Variants in LIG3 observed in about 807,000 individuals in gnomAD.
LIG3 encodes the protein ligase II, DNA, ATP-dependent.
A neutral mutation model predicts 110.9 loss-of-function variants in LIG3; 58 were observed. That is an observed-to-expected ratio of 0.52 (90% CI 0.42 to 0.65). LIG3 has a LOEUF of 0.65. Among genes scored for constraint, LIG3 ranks in the 30% least tolerant of loss-of-function variants. The pLI is 0.00. For synonymous variants in LIG3, 422 were observed against 472.8 expected, an observed-to-expected ratio of 0.89 and a Z score of 1.39; for missense variants, 1,094 against 1,273.8, an observed-to-expected ratio of 0.86 and a Z score of 2.15.
Position 34,991,703 on chromosome 17 carries a change from T to A in LIG3, c.1074T>A (p.Phe358Leu). 6.2e-7 allele frequency: 1 copy of A among 1,613,970 alleles called. No homozygotes were observed. Among genetic ancestry groups the A allele is most frequent in the Non-Finnish European group, 8.5e-7 (1 of 1,179,930 alleles). Residue 358 changes from phenylalanine (F) to leucine (L), a missense_variant, in exon 6 of 20, where the codon TTT (phenylalanine) becomes TTA (leucine). Physicochemically the swap from Phe to Leu is conservative, Grantham distance 22. Coordinates refer to ENST00000378526, the MANE Select transcript of LIG3 (RefSeq NM_013975.4). ...TGTCAGAGACAATCAGAGTCTTCTT[T>A]GAGCAGAGCAAGTCTTTCCCCCCAG... ...GDVSETIRVF[F>L]EQSKSFPPAA... is the part of the protein sequence containing the mutation.
At position 34,989,528 on chromosome 17, in the gene LIG3, A is replaced by G; in HGVS notation, c.754A>G (p.Ser252Gly). ...SPTPKRSLSS[S>G]KCDPRHKDCL... is the part of the protein sequence containing the mutation. ...CACCCCTAAGAGAAGTCTGTCTTCA[A>G]GCAAATGTGACCCCAGGCATAAGGA... Residue 252 changes from serine to glycine, a missense_variant, in exon 4 of 20, where the codon AGC (serine) becomes GGC (glycine). Physicochemically the swap from Ser to Gly is moderately conservative, Grantham distance 56. Coordinates refer to ENST00000378526, the MANE Select transcript of LIG3 (RefSeq NM_013975.4). The G allele has an allele frequency of 1.2e-6, 2 of 1,614,128 alleles. No homozygotes were observed. Among genetic ancestry groups the G allele is most frequent in the South Asian group, 2.2e-5 (2 of 91,080 alleles).
chr17:34,984,197 G>A (rs1224813592), intron 2 of LIG3, among the ~76,000 whole-genome samples: 1 of 152,066 alleles, frequency 6.6e-6, no homozygotes, highest in East Asian at 1.9e-4. Context: ...CTGCAGTATA[G>A]GATCCCAGTC....
chr17:34,997,704 C>G, intron 11 of LIG3, 34 bp from the exon 12 acceptor site: 1 of 1,496,372 alleles, frequency 6.7e-7, no homozygotes, highest in Non-Finnish European at 9.3e-7. Flanking sequence ...GAGGGAGGAT[C>G]CCGGCCTAAC....
rs532880046 is a variant in LIG3 at position 35,008,207 on chromosome 17, A to C, written c.*3701A>C. The C allele has an allele frequency of 1.3e-5, 2 of 152,380 alleles. No homozygotes were observed. The highest frequency in any genetic ancestry group is 4.8e-5 in the African/African-American group (2 of 41,594). The allele number at this position is 152,380 out of a possible 1,614,324, so 9.4% of individuals were successfully genotyped here. A position where few individuals can be genotyped will look rare whatever the true frequency, so the allele number is the denominator to read the frequency against. ...TAGATCAGTGTAAATATCTGAACTC[A>C]CTTGGTGCTTCAACCCAATTGGTCT... is the stretch of plus-strand genomic sequence containing the variant. On this transcript the variant is annotated 3_prime_UTR_variant, in exon 20 of 20. Transcript: ENST00000378526.
In LIG3 at chr17:34,986,212, A is replaced by T. The variant is rs1045871795; in HGVS notation, c.691+81A>T. The T allele has an allele frequency of 2.8e-6, 4 of 1,406,500 alleles. No individual in the cohort carries two copies. In the African/African-American group the frequency reaches 5.7e-5, roughly 20 times the overall value. The allele number at this position is 1,406,500 out of a possible 1,614,324, so 87.1% of individuals were successfully genotyped here. A position where few individuals can be genotyped will look rare whatever the true frequency, so the allele number is the denominator to read the frequency against. On this transcript the variant is annotated intron_variant, in intron 3 of 19. Transcript: ENST00000378526. ...TACCTAGGATTCTGGCTAAAGAGTG[A>T]AAATTCTGTGCTATCTCATCTCATT...
chr17:35,007,543 T>G lies in LIG3; in HGVS notation c.*3037T>G, dbSNP rs1384927223. On this transcript the variant is annotated 3_prime_UTR_variant, in exon 20 of 20. Transcript: ENST00000378526. ...CTAGGGCAATGTGAGCAAAGTGTTG[T>G]GGCTCATCCTCGATCCTTTATGCCC... The G allele has an allele frequency of 6.6e-6, 1 of 152,258 alleles. No individual in the cohort carries two copies. Among genetic ancestry groups the G allele is most frequent in the East Asian group, 1.9e-4 (1 of 5,190 alleles). 9.4% of individuals were successfully genotyped at this position (152,258 alleles called of 1,614,324 possible). A position where few individuals can be genotyped will look rare whatever the true frequency, so the allele number is the denominator to read the frequency against.
At chr17:35,010,508 C>A (rs897448092), downstream of LIG3, 5 of 152,218 alleles carry the variant, frequency 3.3e-5, no homozygotes, top group Non-Finnish European at 5.9e-5. Context: ...AATCCCAGCA[C>A]TTTGGGAAGC....
In LIG3 at chr17:34,991,651, A is replaced by G. The variant is rs747105066; in HGVS notation, c.1042-20A>G. ...GCCACCCTAGGGTTGCAGCAGTGGC[A>G]TTTTGGTTTTTGGAGACAGGGTGAC... On this transcript the variant is annotated intron_variant, in intron 5 of 19. Transcript: ENST00000378526. 2 of 1,612,632 alleles carry G rather than the reference A, an allele frequency of 1.2e-6. No homozygotes were observed. The highest frequency in any genetic ancestry group is 1.3e-5 in the African/African-American group (1 of 75,020).
At chr17:34,999,055 G>T (rs981745658) in intron 14 of LIG3, 1 of 519,292 alleles carries the variant, frequency 1.9e-6, no homozygotes, top group South Asian at 3.2e-5. Context: ...ATACTTTTAA[G>T]CAATCTATCA....
rs2090895212 is a variant in LIG3 at position 35,006,353 on chromosome 17, C to T, written c.*1847C>T. On this transcript the variant is annotated 3_prime_UTR_variant, in exon 20 of 20. Transcript: ENST00000378526. ...TGTCACTAGTGACTACCACACTGGA[C>T]AGTGCAGGTGTAGACGGAGTTCAGA... The T allele has an allele frequency of 6.5e-6, 1 of 154,008 alleles. No homozygotes were observed. The highest frequency in any genetic ancestry group is 1.4e-5 in the Non-Finnish European group (1 of 69,408). 9.5% of individuals were successfully genotyped at this position (154,008 alleles called of 1,614,324 possible).
At chr17:34,998,160 C>T (rs1191212731) in intron 12 of LIG3, 59 bp from the exon 13 acceptor site, 3 of 1,296,358 alleles carry the variant, frequency 2.3e-6, no homozygotes, top group Non-Finnish European at 2.2e-6. Flanking sequence ...GAACAACCCC[C>T]ACTCACTCAC....
chr17:34,982,507 C>T (rs1305526610), intron 1 of LIG3, among the ~76,000 whole-genome samples: 2 of 151,860 alleles, frequency 1.3e-5, no homozygotes, highest in Non-Finnish European at 2.9e-5. Flanking sequence ...GTTAGCCGGG[C>T]GTGGTGGCGC....
At chr17:34,991,338 G>T (rs1430996795) in intron 5 of LIG3, 6 of 579,364 alleles carry the variant, frequency 1.0e-5, no homozygotes, top group Non-Finnish European at 1.8e-5. Flanking sequence ...AACCACAAAG[G>T]CCTGGTTCTC....
At position 34,983,131 on chromosome 17, in the gene LIG3, T is replaced by A; in HGVS notation, c.126T>A (p.Asp42Glu). ...AATTCAGCCAGTGGTCAGAAACAGA[T>A]CTGCTTCATGGACATCCCCTCTTCC... is the stretch of plus-strand genomic sequence containing the variant. ...VRQFSQWSETDLLHGHPLFLR... is the reference protein window; with the variant it reads ...VRQFSQWSETELLHGHPLFLR... Residue 42 changes from aspartate to glutamate, a missense_variant, in exon 2 of 20, where the codon GAT (aspartate) becomes GAA (glutamate). By Grantham distance (45) the Asp-to-Glu change is conservative. Coordinates refer to ENST00000378526, the MANE Select transcript of LIG3 (RefSeq NM_013975.4). The A allele has an allele frequency of 2.5e-6, 4 of 1,614,162 alleles. No individual in the cohort carries two copies. Among genetic ancestry groups the A allele is most frequent in the Middle Eastern group, 1.6e-4 (1 of 6,062 alleles).
chr17:34,999,913 T>G, intron 16 of LIG3, 57 bp downstream of exon 16: 1 of 1,383,456 alleles, frequency 7.2e-7, no homozygotes, highest in Non-Finnish European at 1.0e-6. Context: ...GCAGGTTCTC[T>G]AGTGCCATAG....
At position 35,004,336 on chromosome 17, in the gene LIG3, C is replaced by A. The variant is rs766697852; in HGVS notation, c.2860C>A (p.Arg954Ser). ...YLPPSTPDFS[R>S]LRRYFVAFDG... ...GCCACCCTCCACACCAGACTTCAGCCGTCTCAGACGCTACTTTGTGGCATT... is the reference window on the plus strand; with the variant it reads ...GCCACCCTCCACACCAGACTTCAGCAGTCTCAGACGCTACTTTGTGGCATT... The change falls in exon 20 of 20, where the codon CGT becomes AGT. Residue 954 changes from arginine (R) to serine (S), a missense_variant. Transcript: ENST00000378526. The A allele has an allele frequency of 1.2e-5, 20 of 1,614,058 alleles. No individual in the cohort carries two copies. The highest frequency in any genetic ancestry group is 1.6e-5 in the Non-Finnish European group (19 of 1,180,044).
rs767946014 is a variant in LIG3 at position 35,004,264 on chromosome 17, C to G, written c.2797-9C>G. The G allele has an allele frequency of 6.2e-7, 1 of 1,610,918 alleles. No individual in the cohort carries two copies. Among genetic ancestry groups the G allele is most frequent in the South Asian group, 1.1e-5 (1 of 90,914 alleles). The stretch of plus-strand genomic sequence containing the variant: ...GTCTGACCCCACCCTGACCCCTCTG[C>G]ATTTGCAGGTATTGCTGGACATCTT... On this transcript the variant is annotated splice_polypyrimidine_tract_variant and intron_variant, in intron 19 of 19. Coordinates refer to ENST00000378526, the MANE Select transcript of LIG3 (RefSeq NM_013975.4).
chr17:34,998,806 C>T (rs1489438533), intron 14 of LIG3, 79 bp downstream of exon 14: 2 of 1,509,566 alleles, frequency 1.3e-6, no homozygotes, highest in South Asian at 1.3e-5. Context: ...TTGTTACTGG[C>T]TTGATCTGCC....
chr17:34,990,153 G>A (rs2090702617), intron 4 of LIG3, among the ~76,000 whole-genome samples: 1 of 152,172 alleles, frequency 6.6e-6, no homozygotes, highest in African/African-American at 2.4e-5. Context: ...CTAAAGGTGA[G>A]GCAGACACAA....
Sources: allele counts gnomAD v4.1 joint callset (sites outside exome capture counted in the v4.1 genomes callset), GRCh38; gene constraint gnomAD v4.1.1; transcripts MANE v1.5; gene names NCBI Gene and HGNC (gene_info 2026-07-23, HGNC 2026-07-21).